The following AP3B1 variants were observed in gnomAD, a reference collection of about 807,000 sequenced individuals.
AP3B1 encodes AP-3 complex subunit beta-1.
AP3B1 carries 61 observed loss-of-function variants against 132.5 expected under a neutral mutation model. The ratio of observed to expected loss-of-function variants is 0.46; its 90% confidence interval spans 0.37 to 0.57. The LOEUF (loss-of-function observed/expected upper bound fraction) is 0.57, where lower values mean the gene tolerates loss of function less well. Ranked by LOEUF, AP3B1 falls within the 20% of genes least tolerant of loss-of-function variation. The pLI is 0.00. For missense variants in AP3B1, 1,120 were observed against 1,289.4 expected, an observed-to-expected ratio of 0.87 and a Z score of 2.01; for synonymous variants, 388 against 438.3, an observed-to-expected ratio of 0.89 and a Z score of 1.43.
intron 2 of AP3B1, among the ~76,000 whole-genome samples, chr5:78,265,998 T>C (rs1465363523): frequency 6.6e-6 from 1 of 152,230 alleles, no homozygotes; most frequent in East Asian, 1.9e-4. Flanking sequence ...CTACATGCTT[T>C]GTTGTCTGTG....
At chr5:78,292,826 G>GTT (rs35617749) in intron 1 of AP3B1, among the ~76,000 whole-genome samples, 3,272 of 151,172 alleles carry the variant, frequency 0.022, 121 homozygotes, top group African/African-American at 0.072. Flanking sequence ...AAAGCCGTAA[G>GTT]TTTTTTTTGT....
chr5:78,074,738 T>A (rs1039898883), intron 22 of AP3B1, among the ~76,000 whole-genome samples: 3 of 152,140 alleles, frequency 2.0e-5, no homozygotes, highest in Admixed American at 6.5e-5. Flanking sequence ...CACCTGAGGT[T>A]AGGAGTTCGA....
chr5:78,106,462 A>AAAAAG (rs1554066127), intron 20 of AP3B1, among the ~76,000 whole-genome samples: 4 of 151,150 alleles, frequency 2.6e-5, no homozygotes, highest in Non-Finnish European at 5.9e-5. Flanking sequence ...TGTCTCAAAA[A>AAAAAG]AAAGAAAGAA....
chr5:78,031,265 G>A (rs1283211926), intron 24 of AP3B1, among the ~76,000 whole-genome samples: 2 of 152,138 alleles, frequency 1.3e-5, no homozygotes, highest in Non-Finnish European at 2.9e-5. Flanking sequence ...TTTTTTATAA[G>A]TGGACGAGAT....
chr5:78,039,933 A>G (rs1030676015), intron 22 of AP3B1, among the ~76,000 whole-genome samples: 2 of 143,238 alleles, frequency 1.4e-5, no homozygotes, highest in African/African-American at 5.2e-5. Flanking sequence ...TAGATCCTCT[A>G]TATTTGGCCA....
chr5:78,023,895 A>G (rs943642610), intron 24 of AP3B1, among the ~76,000 whole-genome samples: 1 of 152,222 alleles, frequency 6.6e-6, no homozygotes, highest in Non-Finnish European at 1.5e-5. Context: ...AAGCAAAGGA[A>G]TAACACCTAA....
rs375570043 is a variant in AP3B1 at position 78,227,416 on chromosome 5, T to C, written c.492A>G (p.Pro164=). Residue 164 remains proline (P), a synonymous_variant, in exon 5 of 27, where the codon CCA becomes CCG. Coordinates refer to ENST00000255194, the MANE Select transcript of AP3B1 (RefSeq NM_003664.5). ...CATGGGCTGCATTCTTCCTAACATA[T>C]GGTGATAAGTCAGCAGAAGCTTCCT... The part of the protein sequence containing the change: ...AIKEASADLS[P]YVRKNAAHAI... The C allele has an allele frequency of 1.9e-6, 3 of 1,613,598 alleles. No individual in the cohort carries two copies. The highest frequency in any genetic ancestry group is 1.3e-5 in the African/African-American group (1 of 74,912).
At chr5:78,120,960 A>T (rs1394477664) in intron 17 of AP3B1, among the ~76,000 whole-genome samples, 2 of 152,242 alleles carry the variant, frequency 1.3e-5, no homozygotes, top group Admixed American at 1.3e-4. Flanking sequence ...ACTCCTCAGC[A>T]AATGTAATAG....
intron 20 of AP3B1, among the ~76,000 whole-genome samples, chr5:78,109,448 CAG>C (rs1385568675): frequency 6.6e-6 from 1 of 151,998 alleles, no homozygotes; most frequent in Admixed American, 6.6e-5. Context: ...GAATCAAAGG[CAG>C]AGTTTGGCCA....
At chr5:78,029,302 T>TG (rs1444033641) in intron 24 of AP3B1, among the ~76,000 whole-genome samples, 1 of 152,150 alleles carries the variant, frequency 6.6e-6, no homozygotes. Context: ...AGGATTACAA[T>TG]GAACACAAAA....
In AP3B1 at chr5:78,191,224, A is replaced by G. The variant is rs147921725; in HGVS notation, c.787-9562T>C. Among the ~76,000 whole-genome samples the G allele has an allele frequency of 1.1e-3, 174 of 152,176 alleles. No homozygotes were observed. In the Middle Eastern group the frequency reaches 0.024, roughly 21 times the overall value. ...CAGTGAGAACTAGAAAAGCTGGGGA[A>G]AAGTTAAGAAACCTGTTAGAAGGCA... On this transcript the variant is annotated intron_variant, in intron 7 of 26. Transcript: ENST00000255194.
intron 26 of AP3B1, among the ~76,000 whole-genome samples, chr5:78,011,295 C>T (rs560255512): frequency 6.6e-6 from 1 of 152,250 alleles, no homozygotes; most frequent in South Asian, 2.1e-4. Context: ...ATCTGCCTGC[C>T]TTGGCCTCCC....
intron 2 of AP3B1, among the ~76,000 whole-genome samples, chr5:78,247,534 G>A (rs75565180): frequency 0.036 from 5,387 of 151,148 alleles, 163 homozygotes; most frequent in East Asian, 0.13. Flanking sequence ...CGTTTTTGAA[G>A]CTCTGTTGTT....
chr5:78,117,170 AC>A (rs1187732425), intron 17 of AP3B1, among the ~76,000 whole-genome samples: 1 of 53,698 alleles, frequency 1.9e-5, no homozygotes, highest in African/African-American at 7.5e-5. Flanking sequence ...ATTCCCCACC[AC>A]CTTTTTTTTT....
intron 17 of AP3B1, among the ~76,000 whole-genome samples, chr5:78,119,151 A>C (rs1373943766): frequency 1.3e-5 from 2 of 152,236 alleles, no homozygotes; most frequent in African/African-American, 4.8e-5. Context: ...AAGGAAAACT[A>C]ACAAACAGAA....
chr5:78,138,990 A>C (rs1341170347), intron 15 of AP3B1, among the ~76,000 whole-genome samples: 3 of 148,906 alleles, frequency 2.0e-5, no homozygotes, highest in Non-Finnish European at 4.5e-5. Flanking sequence ...AAAAAAAAAA[A>C]CACTTCAGAA....
intron 2 of AP3B1, 38 bp downstream of exon 2, chr5:78,267,482 A>T: frequency 3.0e-6 from 4 of 1,318,834 alleles, no homozygotes; most frequent in Non-Finnish European, 4.4e-6. Context: ...CTGCTTGTCC[A>T]TTTTTCCAAA....
In AP3B1 at chr5:78,152,858, T is replaced by G. The variant is rs553955802; in HGVS notation, c.1473+3400A>C. ...CCATATGTTTATATTGTTTGAAAAT[T>G]CCTCTTGTTTTAGATTTCTAGTTTT... On this transcript the variant is annotated intron_variant, in intron 14 of 26. Transcript: ENST00000255194. Among the ~76,000 whole-genome samples the G allele has an allele frequency of 1.4e-4, 22 of 152,318 alleles. No homozygotes were observed. In the South Asian group the frequency reaches 1.9e-3, roughly 13 times the overall value.
chr5:78,184,120 G>T lies in AP3B1; in HGVS notation c.787-2458C>A, dbSNP rs548998774. 3.3e-4 allele frequency among the ~76,000 whole-genome samples: 50 copies of T among 151,542 alleles called. 1 individual carries two copies. The highest frequency in any genetic ancestry group is 6.8e-3 in the Middle Eastern group (2 of 294). On this transcript the variant is annotated intron_variant, in intron 7 of 26. Transcript: ENST00000255194. The stretch of plus-strand genomic sequence containing the variant: ...GGAGGCGGAGGTTGCAGTGAGTGGA[G>T]ATTGCGCCACTGCACTCCAGCCTGG...
Sources: allele counts gnomAD v4.1 joint callset (sites outside exome capture counted in the v4.1 genomes callset), GRCh38; gene constraint gnomAD v4.1.1; transcripts MANE v1.5; gene names NCBI Gene and HGNC (gene_info 2026-07-23, HGNC 2026-07-21).